Variants in CD86 observed in about 807,000 individuals in gnomAD.
CD86 encodes the protein T-lymphocyte activation antigen CD86.
A neutral mutation model predicts 32.1 loss-of-function variants in CD86; 11 were observed. The observed-to-expected ratio is 0.34, with a 90% CI of 0.22 to 0.57. CD86 has a LOEUF of 0.57. Ranked by LOEUF, CD86 falls within the 20% of genes least tolerant of loss-of-function variation. CD86 has a pLI of 0.86. For synonymous variants in CD86, 137 were observed against 135.3 expected (o/e 1.01, Z -0.09); for missense variants, 359 against 398.4 (o/e 0.90, Z 0.84).
At chr3:122,109,614 A>G (rs1161218769) in intron 5 of CD86, among the ~76,000 whole-genome samples, 1 of 152,252 alleles carries the variant, frequency 6.6e-6, no homozygotes, top group Non-Finnish European at 1.5e-5. Context: ...GAAAGGCGAC[A>G]TTTCTAACCT....
chr3:122,082,026 T>A (rs941887679), intron 1 of CD86, among the ~76,000 whole-genome samples: 1 of 152,224 alleles, frequency 6.6e-6, no homozygotes, highest in Non-Finnish European at 1.5e-5. Context: ...GATGTTCTCC[T>A]TTATTTCTCC....
intron 5 of CD86, among the ~76,000 whole-genome samples, chr3:122,111,278 G>A (rs1211598763): frequency 6.6e-6 from 1 of 152,230 alleles, no homozygotes; most frequent in Non-Finnish European, 1.5e-5. Context: ...TTTGGATTCT[G>A]TAACTTCAGC....
intron 1 of CD86, among the ~76,000 whole-genome samples, chr3:122,080,163 C>T (rs2072611441): frequency 6.6e-6 from 1 of 152,084 alleles, no homozygotes; most frequent in African/African-American, 2.4e-5. Flanking sequence ...CTTAGGGGAC[C>T]AGGATGGGCA....
intron 1 of CD86, among the ~76,000 whole-genome samples, chr3:122,087,832 C>CGGAA (rs886087571): frequency 1.3e-5 from 2 of 151,898 alleles, no homozygotes; most frequent in African/African-American, 4.8e-5. Context: ...CTAGTATTGA[C>CGGAA]GGAAGGAAGG....
At chr3:122,070,447 A>T (rs2072473971) in intron 1 of CD86, among the ~76,000 whole-genome samples, 1 of 152,130 alleles carries the variant, frequency 6.6e-6, no homozygotes, top group Admixed American at 6.6e-5. Flanking sequence ...CACCTCGGTA[A>T]CTCACTGGTA....
In CD86 at chr3:122,106,551, G is replaced by T. The variant is rs775156957; in HGVS notation, c.703+51G>T. The T allele has an allele frequency of 4.1e-6, 6 of 1,455,088 alleles. No homozygotes were observed. In the South Asian group the frequency reaches 6.6e-5, roughly 16 times the overall value. 90.1% of individuals were successfully genotyped at this position (1,455,088 alleles called of 1,614,324 possible). On this transcript the variant is annotated intron_variant, in intron 4 of 6. Transcript: ENST00000330540. The stretch of plus-strand genomic sequence containing the variant: ...CTTTCAGCAGGTATTATACACAAAT[G>T]CTTAAGGCAGATCATCCAATGTCCC...
At chr3:122,074,429 C>G (rs1429458555) in intron 1 of CD86, among the ~76,000 whole-genome samples, 1 of 152,188 alleles carries the variant, frequency 6.6e-6, no homozygotes, top group East Asian at 1.9e-4. Flanking sequence ...ATCAAGAAAG[C>G]TTAGAAAACA....
chr3:122,120,895 C>A lies in CD86; in HGVS notation c.*1361C>A, dbSNP rs1176398468. On this transcript the variant is annotated 3_prime_UTR_variant, in exon 7 of 7. Coordinates refer to ENST00000330540, the MANE Select transcript of CD86 (RefSeq NM_175862.5). ...TGAAAACCTGGCTCTAAGGTGGGATCACTAAGGGATGGGGCAGTCTCTGCC... is the reference window on the plus strand; with the variant it reads ...TGAAAACCTGGCTCTAAGGTGGGATAACTAAGGGATGGGGCAGTCTCTGCC... 6.6e-6 allele frequency: 1 copy of A among 152,242 alleles called. No homozygotes were observed. Among genetic ancestry groups the A allele is most frequent in the Non-Finnish European group, 1.5e-5 (1 of 68,074 alleles). The allele number at this position is 152,242 out of a possible 1,614,324, so 9.4% of individuals were successfully genotyped here.
chr3:122,113,991 C>T (rs775454539), intron 5 of CD86, among the ~76,000 whole-genome samples: 39 of 152,268 alleles, frequency 2.6e-4, no homozygotes, highest in African/African-American at 9.4e-4. Context: ...TGGCTCACAC[C>T]TGTAATCCCA....
chr3:122,098,512 A>T (rs1038989727), intron 2 of CD86, among the ~76,000 whole-genome samples: 8 of 152,060 alleles, frequency 5.3e-5, no homozygotes, highest in African/African-American at 9.7e-5. Context: ...AGGCCAGGGG[A>T]AGGACTTTGG....
intron 1 of CD86, among the ~76,000 whole-genome samples, chr3:122,056,565 C>T (rs973529452): frequency 6.6e-6 from 1 of 152,126 alleles, no homozygotes; most frequent in African/African-American, 2.4e-5. Flanking sequence ...ATCTCTTGAC[C>T]TTGTGATCTG....
chr3:122,076,590 G>A (rs542111814), intron 1 of CD86, among the ~76,000 whole-genome samples: 1 of 152,312 alleles, frequency 6.6e-6, no homozygotes, highest in African/African-American at 2.4e-5. Context: ...TGGACCCTGG[G>A]GGAGCCCTGT....
At chr3:122,099,456 G>A (rs754455084) in intron 2 of CD86, among the ~76,000 whole-genome samples, 21 of 152,160 alleles carry the variant, frequency 1.4e-4, no homozygotes, top group Non-Finnish European at 2.2e-4. Flanking sequence ...AGTAATGGAG[G>A]TGAACCAGGT....
At chr3:122,091,907 G>C (rs1183980247) in intron 2 of CD86, 17 of 473,148 alleles carry the variant, frequency 3.6e-5, no homozygotes. Context: ...AGTGAGCCTA[G>C]ATGCTCAGAG....
At chr3:122,099,373 T>A (rs145464052) in intron 2 of CD86, among the ~76,000 whole-genome samples, 174 of 152,318 alleles carry the variant, frequency 1.1e-3, no homozygotes, top group African/African-American at 4.0e-3. Context: ...CAGCAATTGC[T>A]GCTTACTCTT....
chr3:122,057,804 G>A (rs890122580), intron 1 of CD86, among the ~76,000 whole-genome samples: 4 of 152,212 alleles, frequency 2.6e-5, no homozygotes, highest in Non-Finnish European at 5.9e-5. Flanking sequence ...TGTTCTGATA[G>A]AATTTTATAT....
chr3:122,115,520 A>T (rs2073236211), intron 5 of CD86, among the ~76,000 whole-genome samples: 1 of 152,152 alleles, frequency 6.6e-6, no homozygotes, highest in Admixed American at 6.5e-5. Context: ...GAAAAGTTAT[A>T]GGGAAATGCA....
chr3:122,082,018 T>C (rs1460553280), intron 1 of CD86, among the ~76,000 whole-genome samples: 1 of 152,246 alleles, frequency 6.6e-6, no homozygotes, highest in Non-Finnish European at 1.5e-5. Flanking sequence ...AGTGTCCAGA[T>C]GTTCTCCTTT....
At position 122,106,340 on chromosome 3, in the gene CD86, G is replaced by A. The variant is rs149915839; in HGVS notation, c.543G>A (p.Glu181=). The stretch of plus-strand genomic sequence containing the variant: ...TAAGAACCAAGAATTCAACTATCGA[G>A]TATGATGGTGTTATGCAGAAATCTC... ...VLLRTKNSTI[E]YDGVMQKSQD... is the part of the protein sequence containing the mutation. Residue 181 remains glutamate (E), a synonymous_variant, in exon 4 of 7, where the codon GAG becomes GAA. Coordinates refer to ENST00000330540, the MANE Select transcript of CD86 (RefSeq NM_175862.5). 34 of 1,613,980 alleles carry A rather than the reference G, an allele frequency of 2.1e-5. No individual in the cohort carries two copies. The highest frequency in any genetic ancestry group is 2.8e-5 in the Non-Finnish European group (33 of 1,179,980).
Sources: gnomAD v4.1 joint callset for allele counts (sites outside exome capture counted in the v4.1 genomes callset) on GRCh38, gnomAD v4.1.1 for gene constraint, MANE v1.5 for transcripts, NCBI Gene and HGNC (gene_info 2026-07-23, HGNC 2026-07-21) for gene names.